CNTN3: variants seen among roughly 807,000 people sequenced by gnomAD.
CNTN3 encodes contactin-3.
Under a neutral mutation model 119.1 loss-of-function variants are expected in CNTN3, and 60 were observed. The observed-to-expected ratio is 0.50, with a 90% CI of 0.41 to 0.62. CNTN3 has a LOEUF of 0.62. CNTN3 is among the 20% of genes least tolerant of loss of function. The pLI is 0.00. For missense variants in CNTN3, 1,101 were observed against 1,242.4 expected, an observed-to-expected ratio of 0.89 and a Z score of 1.71; for synonymous variants, 450 against 438.7, an observed-to-expected ratio of 1.03 and a Z score of -0.32.
chr3:74,521,997 T>C (rs1001731357), intron 1 of CNTN3, among the ~76,000 whole-genome samples: 1 of 151,924 alleles, frequency 6.6e-6, no homozygotes, highest in African/African-American at 2.4e-5. Flanking sequence ...AAGGAACGGG[T>C]ACAACTCTCT....
At chr3:74,466,733 A>G (rs1432073626) in intron 4 of CNTN3, among the ~76,000 whole-genome samples, 1 of 152,148 alleles carries the variant, frequency 6.6e-6, no homozygotes, top group Non-Finnish European at 1.5e-5. Context: ...ATAACTTGAG[A>G]CTGTATTTAA....
chr3:74,458,103 A>G (rs995596910), intron 4 of CNTN3, among the ~76,000 whole-genome samples: 7 of 152,068 alleles, frequency 4.6e-5, no homozygotes, highest in Non-Finnish European at 8.8e-5. Flanking sequence ...CAGTCAATCT[A>G]TCAGCAAAAG....
At chr3:74,398,319 T>A (rs1486610006) in intron 5 of CNTN3, among the ~76,000 whole-genome samples, 1 of 152,194 alleles carries the variant, frequency 6.6e-6, no homozygotes, top group Admixed American at 6.5e-5. Context: ...ACCACCCTGA[T>A]CAGTCAGCAG....
At chr3:74,544,112 C>A (rs1703880564) in intron 1 of CNTN3, among the ~76,000 whole-genome samples, 2 of 152,180 alleles carry the variant, frequency 1.3e-5, no homozygotes, top group African/African-American at 2.4e-5. Flanking sequence ...AAACTGATTT[C>A]TCTGTATTGA....
At chr3:74,299,765 CACT>C in intron 17 of CNTN3, 100 bp downstream of exon 17, 1 of 850,788 alleles carries the variant, frequency 1.2e-6, no homozygotes. Context: ...ACACCCCCAG[CACT>C]ACCACCACCA....
intron 20 of CNTN3, among the ~76,000 whole-genome samples, chr3:74,274,132 T>TC (rs1470205398): frequency 2.6e-5 from 4 of 151,422 alleles, no homozygotes; most frequent in African/African-American, 4.9e-5. Flanking sequence ...CTCACGCCCA[T>TC]CCCCCCAGCA....
intron 4 of CNTN3, among the ~76,000 whole-genome samples, chr3:74,443,957 G>T (rs768234592): frequency 5.3e-5 from 8 of 152,106 alleles, no homozygotes; most frequent in Non-Finnish European, 1.2e-4. Flanking sequence ...TAAAATCATG[G>T]TGTTGGCAGG....
intron 6 of CNTN3, among the ~76,000 whole-genome samples, 184 bp from the exon 7 acceptor site, chr3:74,370,175 G>A (rs1704302198): frequency 1.3e-5 from 2 of 151,996 alleles, no homozygotes; most frequent in Non-Finnish European, 2.9e-5. Flanking sequence ...TGATGAAACA[G>A]ATTTTTTCTT....
intron 5 of CNTN3, among the ~76,000 whole-genome samples, chr3:74,385,072 G>C (rs931999647): frequency 1.3e-5 from 2 of 152,114 alleles, no homozygotes; most frequent in Non-Finnish European, 2.9e-5. Flanking sequence ...TTTTATTTCT[G>C]TCACTCGTAG....
intron 5 of CNTN3, among the ~76,000 whole-genome samples, chr3:74,386,929 C>A (rs1704763179): frequency 6.6e-6 from 1 of 152,168 alleles, no homozygotes; most frequent in East Asian, 1.9e-4. Flanking sequence ...AGAGCCAGGG[C>A]TGGATACCAC....
chr3:74,508,641 G>T (rs992566957), intron 2 of CNTN3, among the ~76,000 whole-genome samples: 1 of 147,444 alleles, frequency 6.8e-6, no homozygotes, highest in African/African-American at 2.4e-5. Context: ...ACTGCATGCT[G>T]GACTGTTAAC....
intron 5 of CNTN3, among the ~76,000 whole-genome samples, chr3:74,406,198 G>A (rs532802086): frequency 6.6e-6 from 1 of 152,184 alleles, no homozygotes; most frequent in South Asian, 2.1e-4. Context: ...CAAACAAAAT[G>A]CTAATTGCCT....
intron 1 of CNTN3, among the ~76,000 whole-genome samples, chr3:74,553,102 C>T (rs1182505969): frequency 1.3e-5 from 2 of 149,142 alleles, no homozygotes; most frequent in Non-Finnish European, 3.0e-5. Flanking sequence ...CCAACCCCCA[C>T]AGGCCCCCGT....
At chr3:74,571,013 A>T (rs1311621579) in intron 1 of CNTN3, among the ~76,000 whole-genome samples, 1 of 152,218 alleles carries the variant, frequency 6.6e-6, no homozygotes, top group Non-Finnish European at 1.5e-5. Context: ...CTGTAAGATA[A>T]TAAAAGTATA....
At chr3:74,573,337 T>C (rs1329187438) in intron 1 of CNTN3, among the ~76,000 whole-genome samples, 1 of 151,836 alleles carries the variant, frequency 6.6e-6, no homozygotes, top group Non-Finnish European at 1.5e-5. Context: ...CCCATGCCAA[T>C]CTCAAAGAAA....
At chr3:74,450,747 G>A (rs914228430) in intron 4 of CNTN3, among the ~76,000 whole-genome samples, 5 of 144,822 alleles carry the variant, frequency 3.5e-5, no homozygotes, top group African/African-American at 7.7e-5. Context: ...CCACCTATGA[G>A]TGAGAATATG....
chr3:74,490,884 ATTTTC>A (rs969496670), intron 3 of CNTN3, among the ~76,000 whole-genome samples: 14 of 152,314 alleles, frequency 9.2e-5, no homozygotes, highest in African/African-American at 3.4e-4. Context: ...AAGAATGTTA[ATTTTC>A]TTTTAACAAA....
At chr3:74,607,973 T>C (rs960546215) in intron 1 of CNTN3, among the ~76,000 whole-genome samples, 10 of 152,304 alleles carry the variant, frequency 6.6e-5, no homozygotes, top group Non-Finnish European at 1.3e-4. Flanking sequence ...AATGTACCAA[T>C]GTCAATTTCC....
intron 2 of CNTN3, among the ~76,000 whole-genome samples, chr3:74,520,710 T>C (rs1456030922): frequency 6.6e-6 from 1 of 151,620 alleles, no homozygotes; most frequent in South Asian, 2.1e-4. Flanking sequence ...ATATGCTCCT[T>C]TGTATGTGAG....
Sources: allele counts gnomAD v4.1 joint callset (sites outside exome capture counted in the v4.1 genomes callset), GRCh38; gene constraint gnomAD v4.1.1; transcripts MANE v1.5; gene names NCBI Gene and HGNC (gene_info 2026-07-23, HGNC 2026-07-21).